Variants in TIAM2 observed in about 807,000 individuals in gnomAD.
TIAM2 encodes rho guanine nucleotide exchange factor TIAM2.
In TIAM2, 80 loss-of-function variants were observed where a neutral mutation model predicts 152.9. The ratio of observed to expected loss-of-function variants is 0.52; its 90% CI spans 0.44 to 0.63. TIAM2 has a LOEUF of 0.63. TIAM2 is among the 30% of genes least tolerant of loss of function. The probability of loss-of-function intolerance (pLI) is 0.00; values close to 1 mark genes in which losing one functional copy is unlikely to be tolerated. For missense variants in TIAM2, 1,965 were observed against 2,120.1 expected (o/e 0.93, Z 1.44); for synonymous variants, 804 against 838.0 (o/e 0.96, Z 0.70).
At chr6:155,018,781 A>C (rs1213094250) in intron 1 of TIAM2, among the ~76,000 whole-genome samples, 2 of 13,652 alleles carry the variant, frequency 1.5e-4, no homozygotes, top group Middle Eastern at 0.038. Flanking sequence ...CCTTCCCATC[A>C]CTTTTTTTTT....
chr6:155,234,173 A>C (rs996760701), intron 15 of TIAM2, among the ~76,000 whole-genome samples: 2 of 152,084 alleles, frequency 1.3e-5, no homozygotes, highest in Admixed American at 6.5e-5. Flanking sequence ...ATTGCTACAA[A>C]CTGGAAAAAA....
At chr6:155,220,397 T>G (rs1265416683) in intron 15 of TIAM2, among the ~76,000 whole-genome samples, 1 of 152,164 alleles carries the variant, frequency 6.6e-6, no homozygotes, top group Non-Finnish European at 1.5e-5. Context: ...CAGGGGGACT[T>G]GAGCCTGGCG....
chr6:155,168,632 C>T (rs1780500514), intron 9 of TIAM2, among the ~76,000 whole-genome samples: 1 of 152,130 alleles, frequency 6.6e-6, no homozygotes, highest in African/African-American at 2.4e-5. Flanking sequence ...GCTGGGATTA[C>T]AGGCCGACTT....
At chr6:155,228,926 G>A (rs1562361948) in intron 15 of TIAM2, among the ~76,000 whole-genome samples, 1 of 152,238 alleles carries the variant, frequency 6.6e-6, no homozygotes. Flanking sequence ...TCTCCAGCAT[G>A]CAGCTCTGAC....
In TIAM2 at chr6:155,254,520, G is replaced by T; in HGVS notation, c.4415G>T (p.Cys1472Phe). ...TGTGAATTACCACTGGAGAAAACGT[G>T]TAAGGATCGCCTGGTACCTCTTAAG... ...IKCELPLEKT[C>F]KDRLVPLKNR... Residue 1472 changes from cysteine (C) to phenylalanine (F), a missense_variant, in exon 26 of 27, where the codon TGT becomes TTT. By Grantham distance (205) the Cys-to-Phe change is radical. Coordinates refer to ENST00000682666, the MANE Select transcript of TIAM2 (RefSeq NM_012454.4). The T allele has an allele frequency of 6.2e-7, 1 of 1,614,192 alleles. No homozygotes were observed. The highest frequency in any genetic ancestry group is 8.5e-7 in the Non-Finnish European group (1 of 1,179,984).
chr6:155,123,420 C>T (rs1439156920), intron 2 of TIAM2, among the ~76,000 whole-genome samples: 3 of 152,176 alleles, frequency 2.0e-5, no homozygotes, highest in Admixed American at 2.0e-4. Flanking sequence ...ACATGAATTG[C>T]TGTCATTTGG....
intron 14 of TIAM2, among the ~76,000 whole-genome samples, chr6:155,206,853 C>T (rs532291258): frequency 1.3e-5 from 2 of 152,274 alleles, no homozygotes; most frequent in South Asian, 4.1e-4. Flanking sequence ...TAACCAGATA[C>T]AAATAGATAA....
intron 15 of TIAM2, among the ~76,000 whole-genome samples, chr6:155,233,077 C>T (rs1359172894): frequency 6.6e-6 from 1 of 152,158 alleles, no homozygotes; most frequent in East Asian, 1.9e-4. Flanking sequence ...CCAGGAAAGG[C>T]GGGCACGTAG....
chr6:155,073,587 C>T (rs1661099965), intron 1 of TIAM2, among the ~76,000 whole-genome samples: 1 of 152,098 alleles, frequency 6.6e-6, no homozygotes, highest in African/African-American at 2.4e-5. Flanking sequence ...CCCTGCTTCT[C>T]ATAGTGGCTT....
chr6:155,074,584 G>A (rs567384921), intron 1 of TIAM2, among the ~76,000 whole-genome samples: 2 of 152,282 alleles, frequency 1.3e-5, no homozygotes, highest in East Asian at 1.9e-4. Context: ...CTGACCTCAC[G>A]TGATCCGCCT....
intron 1 of TIAM2, among the ~76,000 whole-genome samples, chr6:155,020,387 C>T (rs2114863917): frequency 6.6e-6 from 1 of 152,324 alleles, no homozygotes; most frequent in African/African-American, 2.4e-5. Context: ...ATGCTATAAA[C>T]ATTGTCCCCC....
intron 5 of TIAM2, among the ~76,000 whole-genome samples, chr6:155,143,426 G>A (rs1233933352): frequency 6.6e-6 from 1 of 152,072 alleles, no homozygotes; most frequent in Non-Finnish European, 1.5e-5. Context: ...GAAAATTCAG[G>A]CACATTTAGT....
At chr6:155,252,807 T>C (rs1783748099) in intron 23 of TIAM2, 141 bp from the exon 24 acceptor site, 2 of 674,696 alleles carry the variant, frequency 3.0e-6, no homozygotes, top group Non-Finnish European at 2.5e-6. Flanking sequence ...GCGTAGCTGA[T>C]TGACTTCTGT....
At chr6:155,242,191 AG>A (rs1562368712) in intron 16 of TIAM2, among the ~76,000 whole-genome samples, 1 of 152,198 alleles carries the variant, frequency 6.6e-6, no homozygotes, top group Non-Finnish European at 1.5e-5. Context: ...TTTGCTGTCC[AG>A]GAAGTCCTCC....
Position 155,182,270 on chromosome 6 carries a change from CGG to C in TIAM2, c.2753_2754del (p.Arg918HisfsTer22), listed in dbSNP as rs749532567. On this transcript the variant is annotated frameshift_variant, in exon 13 of 27. Coordinates refer to ENST00000682666, the MANE Select transcript of TIAM2 (RefSeq NM_012454.4). LOFTEE classifies it high-confidence loss of function. The stretch of plus-strand genomic sequence containing the variant: ...GGTGGATGAGCGTCAGCATCTCAGC[CGG>C]ATATTTATAAGCGACGTTCTTCCCG... ...AQVDERQHLS[R>X]IFISDVLPDG... is the part of the protein sequence containing the mutation. 8.7e-6 allele frequency: 14 copies of C among 1,614,110 alleles called. No homozygotes were observed. The Middle Eastern group carries it at 6.6e-4, about 76-fold the overall frequency.
At chr6:155,115,363 G>C (rs1778984256) in intron 2 of TIAM2, among the ~76,000 whole-genome samples, 1 of 151,964 alleles carries the variant, frequency 6.6e-6, no homozygotes, top group South Asian at 2.1e-4. Flanking sequence ...CATTAAAATG[G>C]CCTGGTGTGG....
intron 2 of TIAM2, among the ~76,000 whole-genome samples, chr6:155,107,442 A>G (rs7743329): frequency 0.023 from 3,475 of 152,258 alleles, 141 homozygotes; most frequent in African/African-American, 0.079. Flanking sequence ...TACGTATTGT[A>G]TGGATTTATT....
intron 2 of TIAM2, among the ~76,000 whole-genome samples, chr6:155,091,578 G>A (rs1445027730): frequency 2.0e-5 from 3 of 152,130 alleles, no homozygotes; most frequent in African/African-American, 4.8e-5. Context: ...TTTAACATTA[G>A]ATTAGATGCA....
At chr6:155,072,743 A>G (rs890252067) in intron 1 of TIAM2, among the ~76,000 whole-genome samples, 2 of 152,090 alleles carry the variant, frequency 1.3e-5, no homozygotes, top group Admixed American at 6.5e-5. Context: ...GAAGACACAG[A>G]GATGAGGACC....
Sources: gnomAD v4.1 joint callset for allele counts (sites outside exome capture counted in the v4.1 genomes callset) on GRCh38, gnomAD v4.1.1 for gene constraint, MANE v1.5 for transcripts, NCBI Gene and HGNC (gene_info 2026-07-23, HGNC 2026-07-21) for gene names.